ASTN2: variants seen among roughly 807,000 people sequenced by gnomAD.
ASTN2 encodes astrotactin 2, also known as astrotactin-2.
A neutral mutation model predicts 139.8 loss-of-function variants in ASTN2; 54 were observed. That is an observed-to-expected ratio of 0.39 (90% CI 0.31 to 0.48). ASTN2 has a LOEUF of 0.48. ASTN2 is among the 20% of genes least tolerant of loss of function. ASTN2 has a pLI of 0.95. For missense variants in ASTN2, 1,565 were observed against 1,725.1 expected (o/e 0.91, Z 1.64); for synonymous variants, 756 against 719.5 (o/e 1.05, Z -0.81).
At chr9:116,620,001 A>G (rs1384573775) in intron 18 of ASTN2, among the ~76,000 whole-genome samples, 3 of 151,960 alleles carry the variant, frequency 2.0e-5, no homozygotes, top group Non-Finnish European at 4.4e-5. Context: ...CCATTGCCCA[A>G]CACAAGACCT....
chr9:117,261,216 C>G (rs141701924), intron 2 of ASTN2, among the ~76,000 whole-genome samples: 1 of 152,254 alleles, frequency 6.6e-6, no homozygotes, highest in East Asian at 1.9e-4. Context: ...GGCATTTTCA[C>G]TCAGTTTTGG....
chr9:116,804,753 A>G (rs1183939412), intron 13 of ASTN2, among the ~76,000 whole-genome samples: 2 of 152,176 alleles, frequency 1.3e-5, no homozygotes, highest in Non-Finnish European at 2.9e-5. Context: ...TTTTATTGAT[A>G]TGACCTCAAA....
intron 2 of ASTN2, among the ~76,000 whole-genome samples, chr9:117,247,806 G>A (rs1281774332): frequency 6.6e-6 from 1 of 152,176 alleles, no homozygotes. Context: ...CCTTTTCCTA[G>A]AGGTGCTGGG....
At chr9:116,988,790 G>T (rs1404109344) in intron 7 of ASTN2, among the ~76,000 whole-genome samples, 1 of 152,116 alleles carries the variant, frequency 6.6e-6, no homozygotes, top group Non-Finnish European at 1.5e-5. Context: ...GGAGCTTAAA[G>T]GAATGTAGAT....
chr9:117,400,401 TG>T (rs1364954188), intron 1 of ASTN2, among the ~76,000 whole-genome samples: 2 of 151,776 alleles, frequency 1.3e-5, no homozygotes, highest in African/African-American at 4.8e-5. Flanking sequence ...GGCAAGTGAG[TG>T]GGGGCGATTC....
chr9:116,992,909 T>C (rs1836898776), intron 7 of ASTN2, among the ~76,000 whole-genome samples: 1 of 152,214 alleles, frequency 6.6e-6, no homozygotes, highest in Non-Finnish European at 1.5e-5. Context: ...GGATTCTGAA[T>C]GCTTCTTTCT....
intron 2 of ASTN2, chr9:117,276,873 T>G (rs997156735): frequency 3.3e-5 from 5 of 152,210 alleles, no homozygotes; most frequent in African/African-American, 7.2e-5. Context: ...ATCCATAAGA[T>G]GGAGATATCA....
intron 2 of ASTN2, among the ~76,000 whole-genome samples, chr9:117,253,789 G>A (rs533844299): frequency 1.3e-5 from 2 of 152,270 alleles, no homozygotes; most frequent in East Asian, 1.9e-4. Context: ...ATGGGCCTAC[G>A]ATAACCTCTT....
At chr9:117,029,277 A>G (rs1838181635) in intron 6 of ASTN2, among the ~76,000 whole-genome samples, 1 of 152,174 alleles carries the variant, frequency 6.6e-6, no homozygotes. Flanking sequence ...AACATTTCTA[A>G]TCATTACCAG....
intron 3 of ASTN2, among the ~76,000 whole-genome samples, chr9:117,195,013 A>G (rs1588062800): frequency 1.3e-5 from 2 of 152,182 alleles, no homozygotes; most frequent in East Asian, 3.8e-4. Flanking sequence ...GACCCAGCAT[A>G]TTTATTAACA....
At chr9:117,254,656 A>T (rs1446238903) in intron 2 of ASTN2, among the ~76,000 whole-genome samples, 2 of 152,194 alleles carry the variant, frequency 1.3e-5, no homozygotes, top group African/African-American at 4.8e-5. Context: ...ATAAATACAG[A>T]CAGTTGTATA....
At chr9:117,159,904 T>A (rs1399143508) in intron 3 of ASTN2, among the ~76,000 whole-genome samples, 1 of 152,074 alleles carries the variant, frequency 6.6e-6, no homozygotes, top group Non-Finnish European at 1.5e-5. Flanking sequence ...GTCAGATTAG[T>A]CTGGCTAGGC....
intron 20 of ASTN2, 99 bp from the exon 21 acceptor site, chr9:116,442,652 G>A: frequency 2.2e-6 from 2 of 927,136 alleles, no homozygotes; most frequent in South Asian, 1.3e-5. Flanking sequence ...TGAGGCTACA[G>A]GAAAAATGAT....
chr9:117,305,305 G>T (rs1310051964), intron 1 of ASTN2, among the ~76,000 whole-genome samples: 2 of 152,170 alleles, frequency 1.3e-5, no homozygotes, highest in Non-Finnish European at 2.9e-5. Flanking sequence ...TCACCAGAAA[G>T]AACTTTAAAT....
intron 1 of ASTN2, among the ~76,000 whole-genome samples, chr9:117,350,553 TAA>T (rs995328580): frequency 7.5e-6 from 1 of 133,090 alleles, no homozygotes; most frequent in African/African-American, 2.8e-5. Context: ...GACTCCATCT[TAA>T]AAAAAAAAAG....
intron 19 of ASTN2, among the ~76,000 whole-genome samples, chr9:116,525,017 G>C (rs1193316976): frequency 1.3e-5 from 2 of 152,132 alleles, no homozygotes; most frequent in African/African-American, 2.4e-5. Context: ...AAGAAGACAG[G>C]GATATGTGGA....
chr9:116,684,124 T>C (rs573670537), intron 16 of ASTN2, among the ~76,000 whole-genome samples: 121 of 152,324 alleles, frequency 7.9e-4, no homozygotes, highest in African/African-American at 2.8e-3. Context: ...AACTCATAGG[T>C]ATTTGAGGAT....
At chr9:116,532,555 G>A (rs1351023599) in intron 19 of ASTN2, among the ~76,000 whole-genome samples, 1 of 152,176 alleles carries the variant, frequency 6.6e-6, no homozygotes, top group Non-Finnish European at 1.5e-5. Context: ...GTAAGGAAGG[G>A]ATCCAGTTTC....
chr9:117,031,914 G>T (rs1446918330), intron 6 of ASTN2, among the ~76,000 whole-genome samples: 1 of 152,154 alleles, frequency 6.6e-6, no homozygotes, highest in Non-Finnish European at 1.5e-5. Context: ...TTTATGGAAA[G>T]TATGACACGT....
Sources: gnomAD v4.1 joint callset for allele counts (sites outside exome capture counted in the v4.1 genomes callset) on GRCh38, gnomAD v4.1.1 for gene constraint, MANE v1.5 for transcripts, NCBI Gene and HGNC (gene_info 2026-07-23, HGNC 2026-07-21) for gene names.